LRRTM4: variants seen among roughly 807,000 people sequenced by gnomAD.
LRRTM4 encodes leucine rich repeat transmembrane neuronal 4.
In LRRTM4, 25 loss-of-function variants were observed where a neutral mutation model predicts 47.6. The observed-to-expected ratio is 0.53, with a 90% CI of 0.38 to 0.73. The LOEUF (loss-of-function observed/expected upper bound fraction) is 0.73. Among genes scored for constraint, LRRTM4 ranks in the 30% least tolerant of loss-of-function variants. The pLI, the probability that LRRTM4 is intolerant of heterozygous loss-of-function variation, is 0.00. For synonymous variants in LRRTM4, 311 were observed against 269.5 expected, an observed-to-expected ratio of 1.15 and a Z score of -1.51; for missense variants, 638 against 713.4, an observed-to-expected ratio of 0.89 and a Z score of 1.20.
At chr2:76,926,342 A>T (rs1398923656) in intron 3 of LRRTM4, among the ~76,000 whole-genome samples, 1 of 152,042 alleles carries the variant, frequency 6.6e-6, no homozygotes, top group Non-Finnish European at 1.5e-5. Flanking sequence ...AATCAACAAT[A>T]GTACCATATC....
At chr2:77,520,761 A>C (rs1679456026) in intron 2 of LRRTM4, among the ~76,000 whole-genome samples, 2 of 152,034 alleles carry the variant, frequency 1.3e-5, no homozygotes, top group African/African-American at 4.8e-5. Flanking sequence ...CACATTTCTC[A>C]CTGACTTTTT....
chr2:76,822,143 G>C (rs4852419), intron 3 of LRRTM4, among the ~76,000 whole-genome samples: 183 of 151,246 alleles, frequency 1.2e-3, no homozygotes, highest in Non-Finnish European at 4.4e-5. Flanking sequence ...ATTTACTCAA[G>C]AAAATCCATT....
intron 3 of LRRTM4, among the ~76,000 whole-genome samples, chr2:76,955,011 G>C (rs1675625477): frequency 6.6e-6 from 1 of 151,654 alleles, no homozygotes; most frequent in African/African-American, 2.4e-5. Flanking sequence ...GGGAAACAAA[G>C]ACTTTTCCAG....
intron 3 of LRRTM4, among the ~76,000 whole-genome samples, chr2:77,132,643 G>C (rs1671832585): frequency 6.6e-6 from 1 of 152,188 alleles, no homozygotes; most frequent in African/African-American, 2.4e-5. Flanking sequence ...GTCCTCACAT[G>C]GTGAAAGAGC....
At chr2:76,792,277 A>C (rs1675015250) in intron 3 of LRRTM4, among the ~76,000 whole-genome samples, 1 of 152,132 alleles carries the variant, frequency 6.6e-6, no homozygotes, top group Non-Finnish European at 1.5e-5. Flanking sequence ...AAAAACCTTC[A>C]CTGTTTAAGA....
intron 3 of LRRTM4, among the ~76,000 whole-genome samples, chr2:77,197,199 T>C (rs1203527564): frequency 6.6e-6 from 1 of 152,166 alleles, no homozygotes; most frequent in African/African-American, 2.4e-5. Context: ...TAATAAATCA[T>C]AAACTAGTTA....
chr2:77,189,376 C>T (rs1673600423), intron 3 of LRRTM4, among the ~76,000 whole-genome samples: 1 of 152,094 alleles, frequency 6.6e-6, no homozygotes, highest in East Asian at 1.9e-4. Flanking sequence ...GTTCTTAAAG[C>T]CCTTGTTATG....
intron 3 of LRRTM4, among the ~76,000 whole-genome samples, chr2:77,149,467 A>G (rs1463817653): frequency 6.6e-6 from 1 of 152,164 alleles, no homozygotes; most frequent in Non-Finnish European, 1.5e-5. Flanking sequence ...GAAGAAGCAA[A>G]GGCTCCCGAG....
intron 3 of LRRTM4, among the ~76,000 whole-genome samples, chr2:76,906,227 T>A (rs1247475245): frequency 6.6e-6 from 1 of 152,134 alleles, no homozygotes; most frequent in Non-Finnish European, 1.5e-5. Context: ...CAACCCAGAA[T>A]TTCATATCCA....
chr2:77,503,405 A>G (rs2104082422), intron 3 of LRRTM4, among the ~76,000 whole-genome samples: 1 of 151,740 alleles, frequency 6.6e-6, no homozygotes, highest in South Asian at 2.1e-4. Context: ...AAAACAAGAA[A>G]TACCAGGAAT....
At chr2:76,997,963 G>A (rs557835805) in intron 3 of LRRTM4, among the ~76,000 whole-genome samples, 9 of 152,012 alleles carry the variant, frequency 5.9e-5, no homozygotes, top group African/African-American at 2.2e-4. Context: ...TGATGTTACT[G>A]TCTCCCATCA....
At chr2:76,772,255 G>A (rs1241185645) in intron 3 of LRRTM4, among the ~76,000 whole-genome samples, 1 of 152,090 alleles carries the variant, frequency 6.6e-6, no homozygotes, top group Non-Finnish European at 1.5e-5. Context: ...CCAAGAGGGA[G>A]GACATCAGAT....
intron 3 of LRRTM4, among the ~76,000 whole-genome samples, chr2:77,293,832 T>C (rs1364203522): frequency 6.6e-6 from 1 of 152,110 alleles, no homozygotes; most frequent in Non-Finnish European, 1.5e-5. Context: ...TGGACCCTCA[T>C]AATGAGACCG....
chr2:77,430,060 C>T (rs796588374), intron 3 of LRRTM4, among the ~76,000 whole-genome samples: 54 of 151,530 alleles, frequency 3.6e-4, no homozygotes, highest in African/African-American at 1.3e-3. Flanking sequence ...CAGAGTAAGG[C>T]TGTGTCTCAA....
chr2:76,982,657 G>T (rs1236791008), intron 3 of LRRTM4, among the ~76,000 whole-genome samples: 1 of 151,992 alleles, frequency 6.6e-6, no homozygotes, highest in African/African-American at 2.4e-5. Context: ...CAGGGAAATG[G>T]AGAGACAGGT....
At position 77,067,015 on chromosome 2, in the gene LRRTM4, G is replaced by A. The variant is rs183263528; in HGVS notation, c.1552-318099C>T. 3.1e-3 allele frequency among the ~76,000 whole-genome samples: 471 copies of A among 152,292 alleles called. 3 individuals carry two copies. The highest frequency in any genetic ancestry group is 0.011 in the African/African-American group (457 of 41,566). On this transcript the variant is annotated intron_variant, in intron 3 of 3. Coordinates refer to ENST00000409884, the MANE Select transcript of LRRTM4 (RefSeq NM_001134745.3). ...AAATTTACTTCATGACAAGGTATTG[G>A]CCAAAGAGGAAGGGGTTCTGACACT... is the stretch of plus-strand genomic sequence containing the variant.
At chr2:77,464,017 G>A (rs1003572687) in intron 3 of LRRTM4, among the ~76,000 whole-genome samples, 2 of 152,126 alleles carry the variant, frequency 1.3e-5, no homozygotes, top group Non-Finnish European at 1.5e-5. Flanking sequence ...ATGATTCTTA[G>A]AGAAGGTGAA....
intron 3 of LRRTM4, among the ~76,000 whole-genome samples, chr2:76,867,916 G>C (rs1672510822): frequency 6.6e-6 from 1 of 152,140 alleles, no homozygotes; most frequent in Non-Finnish European, 1.5e-5. Context: ...ACGTAGTACT[G>C]AGGTTTTGCT....
intron 3 of LRRTM4, among the ~76,000 whole-genome samples, chr2:77,479,180 G>A (rs1677554651): frequency 6.6e-6 from 1 of 152,180 alleles, no homozygotes; most frequent in South Asian, 2.1e-4. Context: ...ATAGGTATGA[G>A]CCACTGCACC....
Sources: allele counts gnomAD v4.1 joint callset (sites outside exome capture counted in the v4.1 genomes callset), GRCh38; gene constraint gnomAD v4.1.1; transcripts MANE v1.5; gene names NCBI Gene and HGNC (gene_info 2026-07-23, HGNC 2026-07-21).